Variants in ACSS1 observed in about 807,000 individuals in gnomAD.
The protein encoded by ACSS1 is acyl-CoA synthetase short chain family member 1.
In ACSS1, 42 loss-of-function variants were observed where a neutral mutation model predicts 75.3. The observed-to-expected ratio is 0.56, with a 90% CI of 0.44 to 0.72. The LOEUF is 0.72. Ranked by LOEUF, ACSS1 falls within the 30% of genes least tolerant of loss-of-function variation. The pLI is 0.00. For synonymous variants in ACSS1, 380 were observed against 376.8 expected (o/e 1.01, Z -0.10); for missense variants, 782 against 935.7 (o/e 0.84, Z 2.14).
chr20:25,009,644 T>C (rs984615177), intron 12 of ACSS1: 1 of 486,210 alleles, frequency 2.1e-6, no homozygotes, highest in African/African-American at 2.0e-5. Context: ...GCATCTCAGC[T>C]CTAATGCTGA....
At chr20:25,055,910 G>T (rs1481628738) in intron 1 of ACSS1, among the ~76,000 whole-genome samples, 4 of 152,154 alleles carry the variant, frequency 2.6e-5, no homozygotes, top group Non-Finnish European at 1.5e-5. Context: ...TCTATGGTTT[G>T]CAGACACCGG....
intron 1 of ACSS1, among the ~76,000 whole-genome samples, chr20:25,057,055 A>T (rs1302038707): frequency 6.6e-6 from 1 of 152,176 alleles, no homozygotes; most frequent in Non-Finnish European, 1.5e-5. Flanking sequence ...ACTGACCACC[A>T]GTCAACTGTT....
intron 2 of ACSS1, among the ~76,000 whole-genome samples, chr20:25,034,095 G>T (rs2088871105): frequency 6.6e-6 from 1 of 152,134 alleles, no homozygotes; most frequent in Admixed American, 6.5e-5. Flanking sequence ...CTCTGCCAAG[G>T]TCATAAACCT....
At chr20:25,044,260 A>G (rs2089050077) in intron 2 of ACSS1, among the ~76,000 whole-genome samples, 1 of 152,170 alleles carries the variant, frequency 6.6e-6, no homozygotes, top group African/African-American at 2.4e-5. Context: ...AGGAACTTGC[A>G]TTTCTCCACA....
At chr20:25,038,738 C>T (rs1457384473) in intron 2 of ACSS1, among the ~76,000 whole-genome samples, 1 of 152,156 alleles carries the variant, frequency 6.6e-6, no homozygotes, top group African/African-American at 2.4e-5. Context: ...GAGCCTCCTA[C>T]AGTTGGGGTT....
intron 1 of ACSS1, among the ~76,000 whole-genome samples, chr20:25,055,113 G>A (rs544161463): frequency 4.6e-4 from 70 of 152,256 alleles, no homozygotes; most frequent in African/African-American, 1.4e-3. Flanking sequence ...CTATAATCAC[G>A]AATAAAGTGA....
chr20:25,021,592 C>A, intron 5 of ACSS1, 56 bp from the exon 6 acceptor site: 1 of 1,585,844 alleles, frequency 6.3e-7, no homozygotes. Context: ...ACCATGTTCA[C>A]ACCAGGTCAC....
At chr20:25,038,983 G>A (rs545814823) in intron 2 of ACSS1, among the ~76,000 whole-genome samples, 4 of 152,144 alleles carry the variant, frequency 2.6e-5, no homozygotes, top group South Asian at 4.2e-4. Flanking sequence ...CATCCAGGGG[G>A]TATTCCCTCC....
intron 2 of ACSS1, among the ~76,000 whole-genome samples, chr20:25,038,273 G>C (rs1003562208): frequency 6.6e-6 from 1 of 152,158 alleles, no homozygotes; most frequent in Non-Finnish European, 1.5e-5. Context: ...GGAGTCTCAC[G>C]GGAGGCCAAA....
intron 6 of ACSS1, among the ~76,000 whole-genome samples, chr20:25,021,141 A>T (rs1414999317): frequency 6.6e-6 from 1 of 152,242 alleles, no homozygotes; most frequent in East Asian, 1.9e-4. Context: ...GTCAGAGGGC[A>T]GGAGTGCAGG....
intron 2 of ACSS1, among the ~76,000 whole-genome samples, chr20:25,038,913 G>T (rs1332993029): frequency 6.6e-6 from 1 of 152,106 alleles, no homozygotes; most frequent in Non-Finnish European, 1.5e-5. Context: ...AGCCATGATT[G>T]CCTGCCACTG....
chr20:25,055,702 C>G (rs1440924537), intron 1 of ACSS1, among the ~76,000 whole-genome samples: 1 of 152,176 alleles, frequency 6.6e-6, no homozygotes, highest in African/African-American at 2.4e-5. Context: ...GTCTGAAGAC[C>G]ATGCGTTGAG....
Position 25,022,802 on chromosome 20 carries a change from G to A in ACSS1, c.960+138C>T, listed in dbSNP as rs1326387373. 5 of 1,241,428 alleles carry A rather than the reference G, an allele frequency of 4.0e-6. No individual in the cohort carries two copies. The East Asian group carries it at 1.1e-4, about 27-fold the overall frequency. 76.9% of individuals were successfully genotyped at this position (1,241,428 alleles called of 1,614,324 possible). On this transcript the variant is annotated intron_variant, in intron 5 of 13. Transcript: ENST00000323482. ...AGCTGTAGGGTGGGAGGACTCGAGG[G>A]GGCCCTGCCCCGAATAGGCCAGGAA...
Position 25,040,708 on chromosome 20 carries a change from C to T in ACSS1, c.431+7377G>A, listed in dbSNP as rs921161152. ...GGAAGATATGCACACACAACTGCTC[C>T]ACGGAGCCCGTTTGACACTAGCCCC... is the stretch of plus-strand genomic sequence containing the variant. On this transcript the variant is annotated intron_variant, in intron 2 of 13. Coordinates refer to ENST00000323482, the MANE Select transcript of ACSS1 (RefSeq NM_032501.4). Among the ~76,000 whole-genome samples the T allele has an allele frequency of 2.0e-5, 3 of 152,198 alleles. No individual in the cohort carries two copies. The South Asian group carries it at 6.2e-4, about 31-fold the overall frequency.
chr20:25,035,086 G>A (rs939961861), intron 2 of ACSS1, among the ~76,000 whole-genome samples: 1 of 151,636 alleles, frequency 6.6e-6, no homozygotes, highest in Admixed American at 6.6e-5. Context: ...TAGTAGAGAC[G>A]GGGTTTCACA....
chr20:25,034,383 T>G (rs180806024), intron 2 of ACSS1, among the ~76,000 whole-genome samples: 29 of 152,272 alleles, frequency 1.9e-4, no homozygotes, highest in African/African-American at 6.5e-4. Context: ...GCCCTTCAAA[T>G]TCCTGAATAC....
intron 3 of ACSS1, among the ~76,000 whole-genome samples, chr20:25,024,317 G>A (rs1204038752): frequency 6.6e-6 from 1 of 152,248 alleles, no homozygotes; most frequent in Admixed American, 6.5e-5. Flanking sequence ...CCAGAGCAGA[G>A]AAGAGGGGTG....
intron 2 of ACSS1, among the ~76,000 whole-genome samples, chr20:25,033,513 A>G (rs1181222882): frequency 6.6e-6 from 1 of 152,230 alleles, no homozygotes; most frequent in Non-Finnish European, 1.5e-5. Context: ...CGTCTTTCCC[A>G]TCAGATGGAA....
intron 1 of ACSS1, among the ~76,000 whole-genome samples, chr20:25,048,408 T>C (rs1303428624): frequency 1.3e-5 from 2 of 152,152 alleles, no homozygotes; most frequent in Non-Finnish European, 2.9e-5. Context: ...TTTGAAGTGG[T>C]TGCTTCACAC....
Sources: allele counts gnomAD v4.1 joint callset (sites outside exome capture counted in the v4.1 genomes callset), GRCh38; gene constraint gnomAD v4.1.1; transcripts MANE v1.5; gene names NCBI Gene and HGNC (gene_info 2026-07-23, HGNC 2026-07-21).